PLEKHG5: variants seen among roughly 807,000 people sequenced by gnomAD.
PLEKHG5 encodes the protein pleckstrin homology domain-containing family G member 5.
In PLEKHG5, 52 loss-of-function variants were observed where a neutral mutation model predicts 103.8. That is an observed-to-expected ratio of 0.50 (90% CI 0.40 to 0.63). The LOEUF is 0.63. PLEKHG5 is among the 30% of genes least tolerant of loss of function. The probability of loss-of-function intolerance (pLI) is 0.00; values close to 1 mark genes in which losing one functional copy is unlikely to be tolerated. For missense variants in PLEKHG5, 1,205 were observed against 1,347.6 expected (o/e 0.89, Z 1.66); for synonymous variants, 592 against 575.5 (o/e 1.03, Z -0.41).
intron 1 of PLEKHG5, among the ~76,000 whole-genome samples, chr1:6,507,699 C>G (rs1363561888): frequency 6.6e-6 from 1 of 152,206 alleles, no homozygotes; most frequent in Non-Finnish European, 1.5e-5. Context: ...CTGCACGCCC[C>G]CAGCTGAGGG....
intron 1 of PLEKHG5, among the ~76,000 whole-genome samples, chr1:6,478,685 C>T (rs527397455): frequency 3.3e-5 from 5 of 151,940 alleles, no homozygotes; most frequent in African/African-American, 1.2e-4. Context: ...GCTCTGTTGC[C>T]CAGGCTGGAG....
intron 12 of PLEKHG5, 96 bp downstream of exon 12, chr1:6,471,392 G>A: frequency 7.2e-7 from 1 of 1,380,592 alleles, no homozygotes; most frequent in Non-Finnish European, 9.8e-7. Context: ...CCTGGGGGAG[G>A]TTGGGGATGC....
rs766486282 is a variant in PLEKHG5, at chr1:6,470,844, C to T, written c.1433G>A (p.Ser478Asn). ...CTGGTGGGGTTTGGCCAGCATGTCGCTCAGCTTCAGCCTCTGGCACTGTGG... is the reference window on the plus strand; with the variant it reads ...CTGGTGGGGTTTGGCCAGCATGTCGTTCAGCTTCAGCCTCTGGCACTGTGG... The part of the protein sequence containing the change: ...KHPQCQRLKL[S>N]DMLAKPHQRL... The change falls in exon 14 of 21, where the codon AGC becomes AAC. Residue 478 changes from serine to asparagine, a missense_variant. Ser to Asn is a conservative substitution (Grantham distance 46). Coordinates refer to ENST00000377728, the MANE Select transcript of PLEKHG5 (RefSeq NM_020631.6). 2.5e-6 allele frequency: 4 copies of T among 1,577,488 alleles called. No homozygotes were observed. In the African/African-American group the frequency reaches 4.0e-5, roughly 16 times the overall value.
chr1:6,470,781 A>C lies in PLEKHG5; in HGVS notation c.1496T>G (p.Leu499Arg), dbSNP rs768323924. ...TKYPLLLKSV[L>R]RKTEEPRAKE... is the part of the protein sequence containing the mutation. The stretch of plus-strand genomic sequence containing the variant: ...GGCGCGCGGCTCCTCGGTCTTCCTC[A>C]GCACCGACTTGAGCAGCAGCGGGTA... Residue 499 changes from leucine (L) to arginine (R), a missense_variant, in exon 14 of 21, where the codon CTG becomes CGG. Physicochemically the swap from Leu to Arg is moderately radical, Grantham distance 102 (BLOSUM62 -2). Transcript: ENST00000377728. 3.8e-6 allele frequency: 6 copies of C among 1,571,410 alleles called. No individual in the cohort carries two copies. The highest frequency in any genetic ancestry group is 1.3e-5 in the African/African-American group (1 of 74,076).
At chr1:6,484,177 G>A (rs1644967240) in intron 1 of PLEKHG5, among the ~76,000 whole-genome samples, 1 of 152,188 alleles carries the variant, frequency 6.6e-6, no homozygotes. Context: ...CGCTCCTTAC[G>A]GAAGAGTCAG....
At chr1:6,512,792 T>C (rs1016001704) in intron 1 of PLEKHG5, among the ~76,000 whole-genome samples, 1 of 152,154 alleles carries the variant, frequency 6.6e-6, no homozygotes, top group African/African-American at 2.4e-5. Context: ...CTCCCCGGGT[T>C]CAAATCCCAG....
At chr1:6,480,381 T>C (rs1054210431) in intron 1 of PLEKHG5, among the ~76,000 whole-genome samples, 2 of 151,706 alleles carry the variant, frequency 1.3e-5, no homozygotes, top group African/African-American at 2.4e-5. Context: ...TACAAAAAAA[T>C]TAGCCAGTCG....
rs1557736833 is a variant in PLEKHG5 at position 6,469,128 on chromosome 1, C to CTCCTCCCCTCCTCCTCCTCT, written c.2162_2163insAGAGGAGGAGGAGGGGAGGA (p.Gly724GlufsTer48). 1 of 1,526,510 alleles carries CTCCTCCCCTCCTCCTCCTCT rather than the reference C, an allele frequency of 6.6e-7. No individual in the cohort carries two copies. The highest frequency in any genetic ancestry group is 1.5e-5 in the African/African-American group (1 of 65,116). The allele number at this position is 1,526,510 out of a possible 1,614,324, so 94.6% of individuals were successfully genotyped here. A position where few individuals can be genotyped will look rare whatever the true frequency, so the allele number is the denominator to read the frequency against. ...AAGTGCCACTGTCCTCGCCTTCCTC[C>CTCCTCCCCTCCTCCTCCTCT]TCCTCCTCCTCCTCCTCCTCTTCCT... On this transcript the variant is annotated frameshift_variant, in exon 19 of 21. Transcript: ENST00000377728. LOFTEE classifies it high-confidence loss of function.
At position 6,468,296 on chromosome 1, in the gene PLEKHG5, G is replaced by A. The variant is rs1644456505; in HGVS notation, c.2540C>T (p.Pro847Leu). 3 of 1,609,680 alleles carry A rather than the reference G, an allele frequency of 1.9e-6. No homozygotes were observed. Among genetic ancestry groups the A allele is most frequent in the Non-Finnish European group, 2.5e-6 (3 of 1,178,400 alleles). ...AELVPRAPES[P>L]RVPSPPPSPR... ...CGAGGGTGGAGGGGAAGGAACTCGT[G>A]GGGACTCTGGGGCCCGAGGCACTAG... is the stretch of plus-strand genomic sequence containing the variant. Residue 847 changes from proline (P) to leucine (L), a missense_variant, in exon 20 of 21, where the codon CCA (proline) becomes CTA (leucine). Pro to Leu is a moderately conservative substitution (Grantham distance 98). Transcript: ENST00000377728.
chr1:6,468,164 G>A lies in PLEKHG5; in HGVS notation c.2672C>T (p.Thr891Ile), dbSNP rs2148575479. ...GCTGGGGGCAGAGGGTGTCCCATGG[G>A]TGCCAGCCCCTGCCAGCAGCTGGAG... is the stretch of plus-strand genomic sequence containing the variant. The part of the protein sequence containing the change: ...SLLQLLAGAG[T>I]HGTPSAPSRS... Residue 891 changes from threonine (T) to isoleucine (I), a missense_variant, in exon 20 of 21, where the codon ACC becomes ATC. By Grantham distance (89) the Thr-to-Ile change is moderately conservative. Coordinates refer to ENST00000377728, the MANE Select transcript of PLEKHG5 (RefSeq NM_020631.6). 6.4e-7 allele frequency: 1 copy of A among 1,569,514 alleles called. No individual in the cohort carries two copies. The highest frequency in any genetic ancestry group is 8.6e-7 in the Non-Finnish European group (1 of 1,156,606).
chr1:6,467,729 G>A (rs1487666313), intron 20 of PLEKHG5, 96 bp downstream of exon 20: 16 of 1,527,090 alleles, frequency 1.0e-5, no homozygotes, highest in South Asian at 4.5e-5. Context: ...GGCTCCCTCC[G>A]CCATGACCCT....
At chr1:6,515,038 G>A (rs1245323709) in intron 1 of PLEKHG5, among the ~76,000 whole-genome samples, 2 of 151,780 alleles carry the variant, frequency 1.3e-5, no homozygotes, top group African/African-American at 4.8e-5. Flanking sequence ...TGGCGAGAGA[G>A]CAAGACTCCA....
At chr1:6,498,461 C>T (rs1645258389), upstream of PLEKHG5, among the ~76,000 whole-genome samples, 1 of 152,212 alleles carries the variant, frequency 6.6e-6, no homozygotes, top group Non-Finnish European at 1.5e-5. Context: ...CCTGAGCTCT[C>T]TGGATTCATT....
At chr1:6,481,971 C>G (rs1340222038) in intron 1 of PLEKHG5, among the ~76,000 whole-genome samples, 2 of 151,406 alleles carry the variant, frequency 1.3e-5, no homozygotes, top group Non-Finnish European at 2.9e-5. Context: ...ACCTCCTGTC[C>G]TGCTCTTCCA....
chr1:6,513,670 G>T (rs1436614395), intron 1 of PLEKHG5, among the ~76,000 whole-genome samples: 1 of 152,240 alleles, frequency 6.6e-6, no homozygotes, highest in East Asian at 1.9e-4. Context: ...CCTGGGCCGG[G>T]CTCCCAACCA....
Position 6,470,625 on chromosome 1 carries a change from A to C in PLEKHG5, c.1561T>G (p.Phe521Val). ...VVAMIGSVER[F>V]IHHVNACMRQ... ...ATGCACGCGTTCACGTGGTGGATGA[A>C]GCGCTCCACGGAGCCGATCTAGGGG... The change falls in exon 15 of 21, where the codon TTC (phenylalanine) becomes GTC (valine). Residue 521 changes from phenylalanine to valine, a missense_variant. By Grantham distance (50) the Phe-to-Val change is conservative. Coordinates refer to ENST00000377728, the MANE Select transcript of PLEKHG5 (RefSeq NM_020631.6). 6.3e-7 allele frequency: 1 copy of C among 1,584,668 alleles called. No homozygotes were observed. Among genetic ancestry groups the C allele is most frequent in the Non-Finnish European group, 8.5e-7 (1 of 1,171,110 alleles).
chr1:6,477,698 C>T (rs1315315562), intron 1 of PLEKHG5, 40 bp from the exon 2 acceptor site: 1 of 1,596,772 alleles, frequency 6.3e-7, no homozygotes, highest in South Asian at 1.1e-5. Flanking sequence ...TCCACGAGAT[C>T]CACCACATCC....
intron 1 of PLEKHG5, among the ~76,000 whole-genome samples, chr1:6,510,361 G>A (rs559368108): frequency 6.6e-6 from 1 of 152,128 alleles, no homozygotes; most frequent in Non-Finnish European, 1.5e-5. Flanking sequence ...GGGAGGCCAA[G>A]GCAGGTGGAT....
intron 1 of PLEKHG5, among the ~76,000 whole-genome samples, chr1:6,488,789 G>A (rs1028903072): frequency 1.3e-5 from 2 of 152,130 alleles, no homozygotes; most frequent in East Asian, 1.9e-4. Flanking sequence ...CCCCTCCCCA[G>A]CCCAGCCCCA....
Sources: allele counts gnomAD v4.1 joint callset (sites outside exome capture counted in the v4.1 genomes callset), GRCh38; gene constraint gnomAD v4.1.1; transcripts MANE v1.5; gene names NCBI Gene and HGNC (gene_info 2026-07-23, HGNC 2026-07-21).